Variants in CFAP20DC observed in about 807,000 individuals in gnomAD.
CFAP20DC encodes the protein protein CFAP20DC.
A neutral mutation model predicts 101.7 loss-of-function variants in CFAP20DC; 84 were observed. The ratio of observed to expected loss-of-function variants is 0.83; its 90% CI spans 0.69 to 0.99. The LOEUF (loss-of-function observed/expected upper bound fraction) is 0.99. Ranked by LOEUF, CFAP20DC falls within the 50% of genes least tolerant of loss-of-function variation. The pLI, the probability that CFAP20DC is intolerant of heterozygous loss-of-function variation, is 0.00. For missense variants in CFAP20DC, 1,007 were observed against 970.3 expected, an observed-to-expected ratio of 1.04 and a Z score of -0.50; for synonymous variants, 359 against 351.2, an observed-to-expected ratio of 1.02 and a Z score of -0.25.
chr3:58,719,694 AG>A (rs2107042427), intron 3 of CFAP20DC, among the ~76,000 whole-genome samples: 1 of 152,304 alleles, frequency 6.6e-6, no homozygotes, highest in South Asian at 2.1e-4. Context: ...TCCCAAGAAA[AG>A]GGGAAACAGT....
chr3:58,848,568 T>G (rs967127950), intron 13 of CFAP20DC, among the ~76,000 whole-genome samples: 1 of 152,168 alleles, frequency 6.6e-6, no homozygotes, highest in African/African-American at 2.4e-5. Flanking sequence ...GATGACACTG[T>G]TTTAATGTTA....
intron 6 of CFAP20DC, among the ~76,000 whole-genome samples, chr3:58,908,464 T>C (rs1324934853): frequency 2.6e-5 from 4 of 152,164 alleles, no homozygotes; most frequent in African/African-American, 7.2e-5. Context: ...ACTACACACA[T>C]ATTAGAACGG....
intron 15 of CFAP20DC, among the ~76,000 whole-genome samples, chr3:58,783,967 T>C (rs2072083680): frequency 6.6e-6 from 1 of 152,086 alleles, no homozygotes; most frequent in Non-Finnish European, 1.5e-5. Context: ...GTACTGAGCA[T>C]GGTACACAAT....
At chr3:58,891,662 T>C (rs2082274974) in intron 6 of CFAP20DC, among the ~76,000 whole-genome samples, 2 of 152,170 alleles carry the variant, frequency 1.3e-5, no homozygotes, top group Non-Finnish European at 2.9e-5. Flanking sequence ...TTATTTGTTT[T>C]TTTTTCTTGT....
intron 16 of CFAP20DC, among the ~76,000 whole-genome samples, chr3:58,747,859 C>T (rs749872074): frequency 1.3e-5 from 2 of 152,120 alleles, no homozygotes; most frequent in African/African-American, 4.8e-5. Context: ...AACATGTACC[C>T]TCAAATGGGA....
chr3:58,950,605 C>T (rs1260865248), intron 4 of CFAP20DC, among the ~76,000 whole-genome samples: 2 of 152,052 alleles, frequency 1.3e-5, no homozygotes, highest in Non-Finnish European at 2.9e-5. Flanking sequence ...GAAATAACAC[C>T]GCATATCTAC....
intron 4 of CFAP20DC, chr3:59,017,979 A>G (rs2093724754): frequency 1.3e-5 from 2 of 152,130 alleles, no homozygotes; most frequent in Non-Finnish European, 1.5e-5. Flanking sequence ...AAGTCACTCA[A>G]TTGGCCCAGC....
In CFAP20DC at chr3:58,869,620, T is replaced by C. The variant is rs567062925; in HGVS notation, c.853-130A>G. 3.2e-6 allele frequency: 2 copies of C among 624,962 alleles called. No individual in the cohort carries two copies. The highest frequency in any genetic ancestry group is 5.0e-6 in the Non-Finnish European group (2 of 399,848). 38.7% of individuals were successfully genotyped at this position (624,962 alleles called of 1,614,324 possible). On this transcript the variant is annotated intron_variant, in intron 8 of 16. Transcript: ENST00000482387. The surrounding 1 kb of genome is among the most constrained non-coding windows in gnomAD (Gnocchi z 4.3). ...AAAACTAGAGGAAATGAGGTTAAGA[T>C]GTGAAGAAAAAGGAAATTATTATAG...
intron 15 of CFAP20DC, among the ~76,000 whole-genome samples, chr3:58,798,208 T>C (rs892180675): frequency 6.7e-5 from 10 of 149,872 alleles, no homozygotes; most frequent in African/African-American, 2.0e-4. Flanking sequence ...GCAAAGTAAA[T>C]TGAAAACTTT....
chr3:58,781,282 A>G (rs570589485), intron 15 of CFAP20DC, among the ~76,000 whole-genome samples: 1 of 152,132 alleles, frequency 6.6e-6, no homozygotes, highest in Admixed American at 6.5e-5. Flanking sequence ...GAATACAGCA[A>G]AAGTGGTGCT....
At chr3:58,848,952 T>C in intron 13 of CFAP20DC, 80 bp downstream of exon 13, 1 of 1,429,176 alleles carries the variant, frequency 7.0e-7, no homozygotes, top group Non-Finnish European at 9.2e-7. Context: ...AAAGAGATAC[T>C]GCTAAAAACA....
At chr3:58,853,688 A>T (rs888887507) in intron 12 of CFAP20DC, among the ~76,000 whole-genome samples, 9 of 152,214 alleles carry the variant, frequency 5.9e-5, no homozygotes, top group African/African-American at 2.2e-4. Flanking sequence ...ATATACACAA[A>T]TCAATAAATG....
At chr3:58,756,032 C>T (rs1445373365) in intron 15 of CFAP20DC, among the ~76,000 whole-genome samples, 1 of 152,174 alleles carries the variant, frequency 6.6e-6, no homozygotes, top group Admixed American at 6.5e-5. Context: ...CAGCCATGCT[C>T]ATTTGCTTAC....
chr3:58,847,003 C>T (rs1437885992), intron 13 of CFAP20DC, among the ~76,000 whole-genome samples: 5 of 129,698 alleles, frequency 3.9e-5, no homozygotes, highest in East Asian at 4.4e-4. Context: ...ACACCTTATA[C>T]AAAAATCAAT....
chr3:58,838,070 A>G (rs1463751952), intron 13 of CFAP20DC, among the ~76,000 whole-genome samples: 1 of 152,182 alleles, frequency 6.6e-6, no homozygotes, highest in Non-Finnish European at 1.5e-5. Context: ...AGGAATGGAG[A>G]GAAGACAGTA....
intron 14 of CFAP20DC, among the ~76,000 whole-genome samples, chr3:58,809,252 T>C (rs918185991): frequency 3.3e-5 from 5 of 151,998 alleles, no homozygotes; most frequent in Middle Eastern, 3.4e-3. Context: ...AATATACATT[T>C]TTTTCAGCAC....
intron 15 of CFAP20DC, among the ~76,000 whole-genome samples, chr3:58,783,498 AAG>A (rs1314466719): frequency 6.6e-6 from 1 of 152,000 alleles, no homozygotes; most frequent in East Asian, 1.9e-4. Context: ...AACAAAAAAC[AAG>A]AGTGAAGAGA....
At chr3:58,848,657 TGTAGATTG>T (rs1393780127) in intron 13 of CFAP20DC, among the ~76,000 whole-genome samples, 1 of 152,190 alleles carries the variant, frequency 6.6e-6, no homozygotes, top group Non-Finnish European at 1.5e-5. Flanking sequence ...TGGCTCCTAA[TGTAGATTG>T]TTATTGAAAA....
chr3:58,984,911 T>C (rs1201886074), intron 4 of CFAP20DC, among the ~76,000 whole-genome samples: 2 of 152,078 alleles, frequency 1.3e-5, no homozygotes, highest in Admixed American at 6.6e-5. Flanking sequence ...GTTACTTTTT[T>C]TGGGGGGCTG....
Sources: gnomAD v4.1 joint callset for allele counts (sites outside exome capture counted in the v4.1 genomes callset) on GRCh38, gnomAD v4.1.1 for gene constraint, Gnocchi (gnomAD v3.1) non-coding constraint, MANE v1.5 for transcripts, NCBI Gene and HGNC (gene_info 2026-07-23, HGNC 2026-07-21) for gene names.